EHMT1: variants seen among roughly 807,000 people sequenced by gnomAD.
The protein encoded by EHMT1 is histone-lysine N-methyltransferase EHMT1.
In EHMT1, 15 loss-of-function variants were observed where a neutral mutation model predicts 147.2. The ratio of observed to expected loss-of-function variants is 0.10; its 90% CI spans 0.07 to 0.16. The LOEUF (loss-of-function observed/expected upper bound fraction) is 0.16. Ranked by LOEUF, EHMT1 falls within the 10% of genes least tolerant of loss-of-function variation. EHMT1 has a pLI of 1.00. For missense variants in EHMT1, 1,587 were observed against 1,772.4 expected, an observed-to-expected ratio of 0.90 and a Z score of 1.88; for synonymous variants, 795 against 709.6, an observed-to-expected ratio of 1.12 and a Z score of -1.91.
chr9:137,811,723 G>A (rs1041696908), intron 19 of EHMT1, 108 bp downstream of exon 19: 1 of 1,447,868 alleles, frequency 6.9e-7, no homozygotes, highest in Admixed American at 1.8e-5. Flanking sequence ...GTGGACACAG[G>A]CCCTCTGTTC....
At chr9:137,741,702 C>A (rs1171329669) in intron 4 of EHMT1, among the ~76,000 whole-genome samples, 1 of 152,180 alleles carries the variant, frequency 6.6e-6, no homozygotes, top group African/African-American at 2.4e-5. Flanking sequence ...CTGCAGTCAG[C>A]CCTGCAGAAC....
At chr9:137,778,651 C>A (rs1335659529) in intron 13 of EHMT1, among the ~76,000 whole-genome samples, 3 of 152,116 alleles carry the variant, frequency 2.0e-5, no homozygotes, top group Admixed American at 2.0e-4. Context: ...GCTGACCAGA[C>A]CCCAGACTGT....
rs1283947455 is a variant in EHMT1 at position 137,716,759 on chromosome 9, T to A, written c.219T>A (p.Thr73=). The change falls in exon 3 of 27, where the codon ACT becomes ACA. Residue 73 remains threonine (T), a synonymous_variant. Coordinates refer to ENST00000460843, the MANE Select transcript of EHMT1 (RefSeq NM_024757.5). ...GTCATGCAAATGCTGCAAAGCACAC[T>A]CAGGACAGCGCAAGGGTCAACCCCC... is the stretch of plus-strand genomic sequence containing the variant. ...ASSHANAAKH[T]QDSARVNPQD... The A allele has an allele frequency of 1.2e-6, 2 of 1,612,868 alleles. No individual in the cohort carries two copies. Among genetic ancestry groups the A allele is most frequent in the South Asian group, 2.2e-5 (2 of 91,088 alleles).
rs116153911 is a variant in EHMT1, at chr9:137,832,260, C to T, written c.3541-2089C>T. Among the ~76,000 whole-genome samples, 1,239 of 150,666 alleles carry T rather than the reference C, an allele frequency of 8.2e-3. 15 individuals are homozygous for T. The highest frequency in any genetic ancestry group is 0.028 in the African/African-American group (1,158 of 40,710). On this transcript the variant is annotated intron_variant, in intron 25 of 26. Transcript: ENST00000460843. ...AGTCCTAGGATTGGCTGGGCTCCCT[C>T]CTCAGGCCCCGCTTCCCACGTGGCC...
At chr9:137,780,009 C>CA (rs1465432192) in intron 14 of EHMT1, among the ~76,000 whole-genome samples, 2 of 152,184 alleles carry the variant, frequency 1.3e-5, no homozygotes, top group Non-Finnish European at 2.9e-5. Flanking sequence ...TAAGGAAAAG[C>CA]AAAACTAGTG....
chr9:137,756,951 A>T (rs1465124487), intron 8 of EHMT1, among the ~76,000 whole-genome samples: 1 of 151,984 alleles, frequency 6.6e-6, no homozygotes, highest in Non-Finnish European at 1.5e-5. Flanking sequence ...TGGTTACCAT[A>T]CCTCTCTGTG....
chr9:137,677,846 C>G (rs922108399), intron 1 of EHMT1, among the ~76,000 whole-genome samples: 1 of 151,140 alleles, frequency 6.6e-6, no homozygotes, highest in African/African-American at 2.4e-5. Context: ...ATCACGAAGT[C>G]AGGAGATTGA....
intron 10 of EHMT1, among the ~76,000 whole-genome samples, chr9:137,771,283 T>G (rs535282296): frequency 3.5e-5 from 5 of 144,318 alleles, no homozygotes; most frequent in Non-Finnish European, 7.5e-5. Context: ...CACTGCAGCC[T>G]CCTCCTCCTG....
chr9:137,683,435 T>C (rs1218355413), intron 1 of EHMT1, among the ~76,000 whole-genome samples: 2 of 152,206 alleles, frequency 1.3e-5, no homozygotes, highest in African/African-American at 2.4e-5. Context: ...ATTTAACGAC[T>C]GTGTGAATAT....
chr9:137,803,540 C>CGTA (rs1953676632), intron 18 of EHMT1, among the ~76,000 whole-genome samples: 1 of 152,172 alleles, frequency 6.6e-6, no homozygotes, highest in Non-Finnish European at 1.5e-5. Context: ...GTCTGTTTAC[C>CGTA]CTTCACCTAT....
At chr9:137,654,605 G>A (rs771991532) in intron 1 of EHMT1, among the ~76,000 whole-genome samples, 1 of 152,068 alleles carries the variant, frequency 6.6e-6, no homozygotes, top group Non-Finnish European at 1.5e-5. Context: ...GGTCTCTTAA[G>A]TTTCCATATG....
Position 137,813,638 on chromosome 9 carries a change from G to T in EHMT1, c.3180+108G>T. ...CACCACTCAGAGCAGGAGGGCTTAT[G>T]GGGGGCTTCCCAGGAAGACCTCATT... On this transcript the variant is annotated intron_variant, in intron 21 of 26. Coordinates refer to ENST00000460843, the MANE Select transcript of EHMT1 (RefSeq NM_024757.5). This position sits in a 1 kb window ranked among gnomAD's most constrained non-coding sequence, Gnocchi z 4.9. The T allele has an allele frequency of 2.0e-6, 3 of 1,489,154 alleles. No individual in the cohort carries two copies. The highest frequency in any genetic ancestry group is 1.8e-6 in the Non-Finnish European group (2 of 1,093,082). The allele number at this position is 1,489,154 out of a possible 1,614,324, so 92.2% of individuals were successfully genotyped here.
At position 137,834,941 on chromosome 9, in the gene EHMT1, C is replaced by T. The variant is rs1387537372; in HGVS notation, c.3885C>T (p.Ala1295=). ...CCGACACCAGCTCCGCGGCTGCCGC[C>T]GACCCCCTATGAGACGCCGCCGGCC... ...GLPDTSSAAA[A]DPL is the part of the protein sequence containing the mutation. Residue 1295 remains alanine (A), a synonymous_variant, in exon 27 of 27, where the codon GCC becomes GCT. Coordinates refer to ENST00000460843, the MANE Select transcript of EHMT1 (RefSeq NM_024757.5). 2 of 1,510,720 alleles carry T rather than the reference C, an allele frequency of 1.3e-6. No homozygotes were observed. Among genetic ancestry groups the T allele is most frequent in the Non-Finnish European group, 1.8e-6 (2 of 1,134,934 alleles). 93.6% of individuals were successfully genotyped at this position (1,510,720 alleles called of 1,614,324 possible).
At position 137,640,643 on chromosome 9, in the gene EHMT1, A is replaced by C. The variant is rs1844416877; in HGVS notation, c.21+21594A>C. ...TTTCTCTGAGCCCAATATGCAGAGAAGGAAAAAATGCTAGAATTCTCTGCA... is the reference window on the plus strand; with the variant it reads ...TTTCTCTGAGCCCAATATGCAGAGACGGAAAAAATGCTAGAATTCTCTGCA... On this transcript the variant is annotated intron_variant, in intron 1 of 26. Transcript: ENST00000460843. Among the ~76,000 whole-genome samples the C allele has an allele frequency of 3.9e-5, 6 of 152,240 alleles. No individual in the cohort carries two copies. The South Asian group carries it at 8.3e-4, about 21-fold the overall frequency.
chr9:137,704,658 C>T (rs1014758102), intron 1 of EHMT1, among the ~76,000 whole-genome samples: 7 of 151,912 alleles, frequency 4.6e-5, no homozygotes, highest in African/African-American at 1.7e-4. Context: ...TTACTTTGAT[C>T]CTTCTATCTT....
At chr9:137,780,582 C>T (rs529777218) in intron 14 of EHMT1, among the ~76,000 whole-genome samples, 18 of 136,056 alleles carry the variant, frequency 1.3e-4, no homozygotes, top group African/African-American at 4.9e-4. Context: ...GTGGTGATGA[C>T]GCTGGGATGT....
At chr9:137,825,832 A>G (rs184510192) in intron 25 of EHMT1, among the ~76,000 whole-genome samples, 9 of 152,164 alleles carry the variant, frequency 5.9e-5, no homozygotes, top group Middle Eastern at 3.4e-3. Flanking sequence ...CTTGTCGTCT[A>G]CACCGGCGGG....
At chr9:137,714,555 ATT>A (rs35445261) in intron 2 of EHMT1, among the ~76,000 whole-genome samples, 5,940 of 84,102 alleles carry the variant, frequency 0.071, 497 homozygotes, top group African/African-American at 0.24. Context: ...CAGTTTGCTC[ATT>A]TTTTTTTTTT....
At chr9:137,630,488 A>C (rs1843558447) in intron 1 of EHMT1, among the ~76,000 whole-genome samples, 1 of 152,164 alleles carries the variant, frequency 6.6e-6, no homozygotes, top group Non-Finnish European at 1.5e-5. Context: ...ATGAATTGGC[A>C]TGAGAAGGTG....
Sources: allele counts gnomAD v4.1 joint callset (sites outside exome capture counted in the v4.1 genomes callset), GRCh38; gene constraint gnomAD v4.1.1; non-coding constraint Gnocchi (gnomAD v3.1); transcripts MANE v1.5; gene names NCBI Gene and HGNC (gene_info 2026-07-23, HGNC 2026-07-21).